The following RBMS3 variants were observed in gnomAD, a reference collection of about 807,000 sequenced individuals.
RBMS3 encodes RNA-binding motif, single-stranded-interacting protein 3.
Under a neutral mutation model 66.8 loss-of-function variants are expected in RBMS3, and 27 were observed. The observed-to-expected ratio is 0.40, with a 90% CI of 0.30 to 0.56. RBMS3 has a LOEUF of 0.56. Ranked by LOEUF, RBMS3 falls within the 20% of genes least tolerant of loss-of-function variation. RBMS3 has a pLI of 0.40. For synonymous variants in RBMS3, 188 were observed against 183.0 expected, an observed-to-expected ratio of 1.03 and a Z score of -0.22; for missense variants, 513 against 549.5, an observed-to-expected ratio of 0.93 and a Z score of 0.66.
chr3:29,842,225 G>T (rs1456260921), intron 6 of RBMS3, among the ~76,000 whole-genome samples: 1 of 152,008 alleles, frequency 6.6e-6, no homozygotes, highest in Non-Finnish European at 1.5e-5. Flanking sequence ...TGCATTCTGG[G>T]ACCAAATCTA....
At chr3:29,635,932 A>T (rs2049456353) in intron 4 of RBMS3, among the ~76,000 whole-genome samples, 1 of 151,874 alleles carries the variant, frequency 6.6e-6, no homozygotes, top group Admixed American at 6.6e-5. Flanking sequence ...CAGTGCCCAC[A>T]GAAAGCAAAA....
At chr3:29,706,753 C>T (rs2052914672) in intron 4 of RBMS3, among the ~76,000 whole-genome samples, 1 of 152,300 alleles carries the variant, frequency 6.6e-6, no homozygotes, top group Non-Finnish European at 1.5e-5. Flanking sequence ...GATGCCTTAG[C>T]AAAACCACAG....
intron 10 of RBMS3, among the ~76,000 whole-genome samples, chr3:29,917,757 G>T (rs549186311): frequency 6.6e-6 from 1 of 152,012 alleles, no homozygotes; most frequent in African/African-American, 2.4e-5. Flanking sequence ...GCATCTTGGG[G>T]TAAATGAAGT....
At chr3:29,929,867 AAAGAGAAACCCAGC>A in intron 10 of RBMS3, among the ~76,000 whole-genome samples, 1 of 152,142 alleles carries the variant, frequency 6.6e-6, no homozygotes, top group African/African-American at 2.4e-5. Flanking sequence ...CAAGCATAGG[AAAGAGAAACCCAGC>A]TCTAGTTTGC....
intron 1 of RBMS3, among the ~76,000 whole-genome samples, chr3:29,343,046 G>C (rs2036368002): frequency 6.6e-6 from 1 of 152,016 alleles, no homozygotes; most frequent in Non-Finnish European, 1.5e-5. Context: ...TATTCAGTAG[G>C]ATACTTTTGA....
intron 7 of RBMS3, among the ~76,000 whole-genome samples, chr3:29,875,569 A>G (rs555206862): frequency 6.6e-6 from 1 of 152,058 alleles, no homozygotes; most frequent in Admixed American, 6.5e-5. Context: ...GAAAAAAAAA[A>G]CCTGCATCTT....
At chr3:29,704,674 G>A (rs79412065) in intron 4 of RBMS3, among the ~76,000 whole-genome samples, 10 of 152,178 alleles carry the variant, frequency 6.6e-5, no homozygotes, top group African/African-American at 2.4e-5. Flanking sequence ...CCTTAGCTCT[G>A]CAGTTGCATT....
Position 29,610,808 on chromosome 3 carries a change from A to G in RBMS3, c.399+23603A>G, listed in dbSNP as rs141610248. On this transcript the variant is annotated intron_variant, in intron 4 of 14. Coordinates refer to ENST00000383767, the MANE Select transcript of RBMS3 (RefSeq NM_001003793.3). ...ATTTTTGAAGGAGAAGTACTTCTGT[A>G]AGAGAGTCATGCATTCTGGTATAAT... Among the ~76,000 whole-genome samples, 348 of 152,208 alleles carry G rather than the reference A, an allele frequency of 2.3e-3. 3 individuals are homozygous for G. The highest frequency in any genetic ancestry group is 8.2e-3 in the African/African-American group (340 of 41,556).
At chr3:29,384,429 TAATAATAAG>T (rs1373147843) in intron 1 of RBMS3, among the ~76,000 whole-genome samples, 2 of 95,912 alleles carry the variant, frequency 2.1e-5, no homozygotes, top group Non-Finnish European at 4.8e-5. Context: ...ATAATAATAA[TAATAATAAG>T]AAGAAGAAGA....
intron 3 of RBMS3, among the ~76,000 whole-genome samples, chr3:29,562,601 G>A (rs1237435290): frequency 2.6e-5 from 4 of 152,036 alleles, no homozygotes; most frequent in Admixed American, 6.6e-5. Context: ...TTTTCCCTTC[G>A]ATATACTTGA....
At chr3:29,557,109 T>G (rs1270221005) in intron 3 of RBMS3, among the ~76,000 whole-genome samples, 1 of 152,168 alleles carries the variant, frequency 6.6e-6, no homozygotes, top group East Asian at 1.9e-4. Context: ...TATAAATAAT[T>G]TGTTCCAGGG....
At chr3:29,692,804 C>T (rs1004732349) in intron 4 of RBMS3, among the ~76,000 whole-genome samples, 1 of 152,100 alleles carries the variant, frequency 6.6e-6, no homozygotes, top group African/African-American at 2.4e-5. Context: ...GGAAACATAA[C>T]CTTAAGCATA....
In RBMS3 at chr3:29,587,256, G is replaced by A. The variant is rs767755127; in HGVS notation, c.399+51G>A. The A allele has an allele frequency of 1.1e-4, 47 of 446,870 alleles. No homozygotes were observed. The Middle Eastern group carries it at 1.5e-3, about 14-fold the overall frequency. 27.7% of individuals were successfully genotyped at this position (446,870 alleles called of 1,614,324 possible). A position where few individuals can be genotyped will look rare whatever the true frequency, so the allele number is the denominator to read the frequency against. On this transcript the variant is annotated intron_variant, in intron 4 of 14. Coordinates refer to ENST00000383767, the MANE Select transcript of RBMS3 (RefSeq NM_001003793.3). ...TTTTTTTTTTTTTTTTTTTGTGTGT[G>A]TGTGTGTGTGTGTGTGTGTGTGAAA...
intron 1 of RBMS3, among the ~76,000 whole-genome samples, chr3:29,304,559 A>G (rs1370538362): frequency 6.6e-6 from 1 of 151,966 alleles, no homozygotes; most frequent in Non-Finnish European, 1.5e-5. Context: ...CTCACCACAT[A>G]GAAGATCCCA....
At chr3:29,629,998 G>A (rs1013560251) in intron 4 of RBMS3, among the ~76,000 whole-genome samples, 1 of 152,042 alleles carries the variant, frequency 6.6e-6, no homozygotes, top group African/African-American at 2.4e-5. Flanking sequence ...GAAAAAGATA[G>A]GATGTCAGAA....
chr3:29,544,699 A>ATGTG (rs138879910), intron 3 of RBMS3, among the ~76,000 whole-genome samples: 266 of 150,774 alleles, frequency 1.8e-3, no homozygotes, highest in African/African-American at 4.8e-3. Flanking sequence ...TGAAATGTAA[A>ATGTG]TGTGTGTGTG....
intron 1 of RBMS3, among the ~76,000 whole-genome samples, chr3:29,310,246 G>A (rs772355884): frequency 6.6e-6 from 1 of 151,666 alleles, no homozygotes; most frequent in Non-Finnish European, 1.5e-5. Flanking sequence ...AGTAGAAATA[G>A]ATCATGTCTG....
chr3:29,466,505 T>C (rs2042548391), intron 2 of RBMS3, among the ~76,000 whole-genome samples: 1 of 152,202 alleles, frequency 6.6e-6, no homozygotes, highest in Non-Finnish European at 1.5e-5. Context: ...TTTTGAATTC[T>C]TTTGAAATAA....
At chr3:29,536,652 G>C (rs1040363066) in intron 3 of RBMS3, among the ~76,000 whole-genome samples, 1 of 152,200 alleles carries the variant, frequency 6.6e-6, no homozygotes, top group Non-Finnish European at 1.5e-5. Context: ...CAGCAGTACT[G>C]CAGAAATGAG....
Sources: gnomAD v4.1 joint callset for allele counts (sites outside exome capture counted in the v4.1 genomes callset) on GRCh38, gnomAD v4.1.1 for gene constraint, MANE v1.5 for transcripts, NCBI Gene and HGNC (gene_info 2026-07-23, HGNC 2026-07-21) for gene names.